Variants in LDLRAD3 observed in about 807,000 individuals in gnomAD.
LDLRAD3 encodes the protein low density lipoprotein receptor class A domain containing 3, also known as low-density lipoprotein receptor class A domain-containing protein 3.
In LDLRAD3, 20 loss-of-function variants were observed where a neutral mutation model predicts 29.4. That is an observed-to-expected ratio of 0.68 (90% CI 0.48 to 0.99). The LOEUF (loss-of-function observed/expected upper bound fraction) is 0.99, where lower values mean the gene tolerates loss of function less well. LDLRAD3 is among the 50% of genes least tolerant of loss of function. The pLI, the probability that LDLRAD3 is intolerant of heterozygous loss-of-function variation, is 0.00. For synonymous variants in LDLRAD3, 157 were observed against 192.7 expected (o/e 0.81, Z 1.53); for missense variants, 420 against 454.3 (o/e 0.92, Z 0.69).
intron 4 of LDLRAD3, among the ~76,000 whole-genome samples, chr11:36,184,420 T>G (rs1854815465): frequency 6.6e-6 from 1 of 152,260 alleles, no homozygotes; most frequent in Non-Finnish European, 1.5e-5. Flanking sequence ...TACATGTCTA[T>G]TTCTGATATC....
At position 36,229,145 on chromosome 11, in the gene LDLRAD3, C is replaced by T; in HGVS notation, c.801-15C>T. The T allele has an allele frequency of 6.3e-7, 1 of 1,582,844 alleles. No homozygotes were observed. The highest frequency in any genetic ancestry group is 8.7e-7 in the Non-Finnish European group (1 of 1,151,894). ...TGTCTCCATTGCCCCTGCCCCCCTGCTGTCCCCATCACAGGCCTGCGTGGT... is the reference window on the plus strand; with the variant it reads ...TGTCTCCATTGCCCCTGCCCCCCTGTTGTCCCCATCACAGGCCTGCGTGGT... On this transcript the variant is annotated splice_polypyrimidine_tract_variant and intron_variant, in intron 5 of 5. Coordinates refer to ENST00000315571, the MANE Select transcript of LDLRAD3 (RefSeq NM_174902.4).
chr11:36,056,506 T>A (rs949629866), intron 2 of LDLRAD3, among the ~76,000 whole-genome samples: 1 of 152,184 alleles, frequency 6.6e-6, no homozygotes, highest in South Asian at 2.1e-4. Context: ...TGGCTTGAGT[T>A]GAGCCACTGA....
intron 3 of LDLRAD3, among the ~76,000 whole-genome samples, chr11:36,095,181 T>C (rs1296364805): frequency 6.6e-6 from 1 of 152,184 alleles, no homozygotes; most frequent in Non-Finnish European, 1.5e-5. Flanking sequence ...CCCTGTTTCT[T>C]AAAAAGGAAG....
chr11:36,062,936 AG>A (rs1487664598), intron 2 of LDLRAD3, among the ~76,000 whole-genome samples: 1 of 152,222 alleles, frequency 6.6e-6, no homozygotes, highest in Non-Finnish European at 1.5e-5. Context: ...TTTGTATAGC[AG>A]GGAAGAAATG....
At chr11:36,128,406 C>G (rs1853873968) in intron 4 of LDLRAD3, among the ~76,000 whole-genome samples, 1 of 152,060 alleles carries the variant, frequency 6.6e-6, no homozygotes, top group Non-Finnish European at 1.5e-5. Flanking sequence ...CCACCATGCA[C>G]AGATGCTCCC....
chr11:36,086,700 G>C (rs939038610), intron 3 of LDLRAD3, among the ~76,000 whole-genome samples: 4 of 152,190 alleles, frequency 2.6e-5, no homozygotes, highest in Admixed American at 2.6e-4. Context: ...GGCTCCAAAA[G>C]GGAGAAAATA....
At chr11:36,147,055 C>T (rs1467304105) in intron 4 of LDLRAD3, among the ~76,000 whole-genome samples, 2 of 146,782 alleles carry the variant, frequency 1.4e-5, no homozygotes, top group Admixed American at 6.9e-5. Flanking sequence ...CCCCAAAGTG[C>T]TGGATTACAG....
At chr11:36,203,263 C>T (rs753832914) in intron 4 of LDLRAD3, among the ~76,000 whole-genome samples, 5 of 152,158 alleles carry the variant, frequency 3.3e-5, no homozygotes, top group Non-Finnish European at 7.3e-5. Flanking sequence ...CCCCCGCGTC[C>T]AGCCCTGTGC....
intron 1 of LDLRAD3, among the ~76,000 whole-genome samples, chr11:35,960,168 A>G (rs1851258124): frequency 6.6e-6 from 1 of 152,134 alleles, no homozygotes. Context: ...ATTTACCTTT[A>G]TAATTTTGAG....
At position 36,226,324 on chromosome 11, in the gene LDLRAD3, C is replaced by T. The variant is rs1177156034; in HGVS notation, c.455-761C>T. Among the ~76,000 whole-genome samples, 6 of 152,240 alleles carry T rather than the reference C, an allele frequency of 3.9e-5. No individual in the cohort carries two copies. The East Asian group carries it at 1.2e-3, about 29-fold the overall frequency. ...TGAGCCCAGGAGTTCCTGCTGTTAG[C>T]CTGGGCTGTGCTGGCTCTCCATCCC... is the stretch of plus-strand genomic sequence containing the variant. On this transcript the variant is annotated intron_variant, in intron 4 of 5. Transcript: ENST00000315571.
chr11:35,973,123 G>C (rs1204132304), intron 1 of LDLRAD3, among the ~76,000 whole-genome samples: 1 of 150,294 alleles, frequency 6.7e-6, no homozygotes, highest in Non-Finnish European at 1.5e-5. Flanking sequence ...AGCTGCCCTG[G>C]TCTCCTCCCT....
At chr11:36,042,395 G>A (rs1168871539) in intron 2 of LDLRAD3, among the ~76,000 whole-genome samples, 2 of 152,164 alleles carry the variant, frequency 1.3e-5, no homozygotes, top group African/African-American at 2.4e-5. Flanking sequence ...GATGGATAGA[G>A]CTTGCTGCTG....
At chr11:36,143,695 G>A (rs1474304791) in intron 4 of LDLRAD3, among the ~76,000 whole-genome samples, 2 of 152,120 alleles carry the variant, frequency 1.3e-5, no homozygotes, top group African/African-American at 4.8e-5. Flanking sequence ...TGTTCTGGAG[G>A]CCGGAAGTCC....
chr11:36,161,288 C>T (rs1322371971), intron 4 of LDLRAD3, among the ~76,000 whole-genome samples: 1 of 152,166 alleles, frequency 6.6e-6, no homozygotes, highest in Admixed American at 6.5e-5. Flanking sequence ...TCCCAGGAAT[C>T]CTATGGCATC....
At chr11:36,205,429 G>A (rs1855193205) in intron 4 of LDLRAD3, among the ~76,000 whole-genome samples, 1 of 152,198 alleles carries the variant, frequency 6.6e-6, no homozygotes, top group Admixed American at 6.5e-5. Context: ...CTGATGAAGG[G>A]CTGTTGAAGG....
intron 1 of LDLRAD3, among the ~76,000 whole-genome samples, chr11:35,986,230 T>C (rs1263875424): frequency 6.6e-6 from 1 of 152,178 alleles, no homozygotes; most frequent in Non-Finnish European, 1.5e-5. Context: ...GGCTGAATTC[T>C]GAAAACATTT....
intron 2 of LDLRAD3, among the ~76,000 whole-genome samples, chr11:36,079,958 G>A (rs1853085357): frequency 1.3e-5 from 2 of 152,198 alleles, no homozygotes; most frequent in South Asian, 4.1e-4. Context: ...CAGAGTTTAT[G>A]CTTTGAGAAG....
chr11:36,228,591 G>C (rs1270572134), intron 5 of LDLRAD3, among the ~76,000 whole-genome samples: 1 of 152,204 alleles, frequency 6.6e-6, no homozygotes, highest in Non-Finnish European at 1.5e-5. Flanking sequence ...GGAATGTAAG[G>C]GGCATGGCAA....
chr11:36,160,439 T>C (rs1042758878), intron 4 of LDLRAD3, among the ~76,000 whole-genome samples: 1 of 152,146 alleles, frequency 6.6e-6, no homozygotes, highest in African/African-American at 2.4e-5. Context: ...ATAAGATACA[T>C]GAATGCTTAT....
Sources: allele counts gnomAD v4.1 joint callset (sites outside exome capture counted in the v4.1 genomes callset), GRCh38; gene constraint gnomAD v4.1.1; transcripts MANE v1.5; gene names NCBI Gene and HGNC (gene_info 2026-07-23, HGNC 2026-07-21).